The following SASH1 variants were observed in gnomAD, a reference collection of about 807,000 sequenced individuals.
SASH1 encodes the protein SAM and SH3 domain-containing protein 1.
Under a neutral mutation model 125.2 loss-of-function variants are expected in SASH1, and 44 were observed. That is an observed-to-expected ratio of 0.35 (90% CI 0.28 to 0.45). The LOEUF (loss-of-function observed/expected upper bound fraction) is 0.45. Ranked by LOEUF, SASH1 falls within the 20% of genes least tolerant of loss-of-function variation. The pLI is 1.00. For synonymous variants in SASH1, 639 were observed against 649.1 expected (o/e 0.98, Z 0.24); for missense variants, 1,426 against 1,614.5 (o/e 0.88, Z 2.00).
the SASH1 span, among the ~76,000 whole-genome samples, chr6:148,207,320 T>G: frequency 6.6e-6 from 1 of 152,222 alleles, no homozygotes; most frequent in South Asian, 2.1e-4. Context: ...TATTTCATTT[T>G]AAATCATTTA....
intron 1 of SASH1, among the ~76,000 whole-genome samples, chr6:148,350,001 A>G (rs9485282): frequency 0.23 from 34,955 of 151,530 alleles, 4,376 homozygotes; most frequent in East Asian, 0.28. Flanking sequence ...GCCTGCCACC[A>G]CGCCCGGCTA....
intron 1 of SASH1, among the ~76,000 whole-genome samples, chr6:148,299,157 G>A (rs1339741806): frequency 1.3e-5 from 2 of 152,118 alleles, no homozygotes; most frequent in African/African-American, 2.4e-5. Context: ...AAGGTGTTTG[G>A]GAAACAGCGG....
intron 1 of SASH1, among the ~76,000 whole-genome samples, chr6:148,285,469 C>G (rs758864675): frequency 2.0e-5 from 3 of 152,204 alleles, no homozygotes; most frequent in Non-Finnish European, 4.4e-5. Context: ...GGGAACACCA[C>G]TTTCTGGGAT....
intron 2 of SASH1, among the ~76,000 whole-genome samples, chr6:148,439,139 A>G (rs1314025992): frequency 2.0e-5 from 3 of 152,024 alleles, no homozygotes; most frequent in Non-Finnish European, 4.4e-5. Context: ...TTATCTAAAT[A>G]CTCTTCGTTT....
At chr6:148,227,637 C>T in the SASH1 span, among the ~76,000 whole-genome samples, 2 of 152,290 alleles carry the variant, frequency 1.3e-5, no homozygotes, top group African/African-American at 2.4e-5. Flanking sequence ...GGATTACAGG[C>T]ACTTTGAGCC....
At chr6:148,401,073 C>T (rs1243263397) in intron 2 of SASH1, among the ~76,000 whole-genome samples, 1 of 151,868 alleles carries the variant, frequency 6.6e-6, no homozygotes, top group East Asian at 1.9e-4. Context: ...GGTGAAATCC[C>T]ACCTCTACCA....
chr6:148,468,124 C>T (rs371250355), intron 4 of SASH1, among the ~76,000 whole-genome samples: 20 of 152,146 alleles, frequency 1.3e-4, no homozygotes, highest in African/African-American at 3.4e-4. Context: ...TTCCTAGAGC[C>T]GACCACTGTA....
chr6:148,257,628 C>CTTTTT, the SASH1 span, among the ~76,000 whole-genome samples: 9 of 127,134 alleles, frequency 7.1e-5, no homozygotes, highest in Non-Finnish European at 1.3e-4. Flanking sequence ...TGTCAGTTTA[C>CTTTTT]TTTTTTTTTT....
the SASH1 span, among the ~76,000 whole-genome samples, chr6:148,266,162 C>T: frequency 3.3e-5 from 5 of 151,948 alleles, no homozygotes; most frequent in African/African-American, 4.8e-5. Flanking sequence ...TTAGTAAAGA[C>T]GGGGTTTCAC....
Position 148,543,884 on chromosome 6 carries a change from C to T in SASH1, c.2414C>T (p.Thr805Ile), listed in dbSNP as rs200090181. Residue 805 changes from threonine to isoleucine, a missense_variant, in exon 18 of 20, where the codon ACT becomes ATT. Thr to Ile is a moderately conservative substitution (Grantham distance 89). Around this residue, in one of 3 missense-constraint regions of SASH1, gnomAD observed 634 missense variants for 694.4 expected, o/e 0.91. Coordinates refer to ENST00000367467, the MANE Select transcript of SASH1 (RefSeq NM_015278.5). Reference sequence around the variant, plus strand: ...AAGAGCTGTGACCCACCTGGTGTGACTGGTTTGAATAAAAACCGAAGAAGC... The same window carrying T: ...AAGAGCTGTGACCCACCTGGTGTGATTGGTTTGAATAAAAACCGAAGAAGC... ...TSKSCDPPGVTGLNKNRRSLP... is the reference protein window; with the variant it reads ...TSKSCDPPGVIGLNKNRRSLP... The T allele has an allele frequency of 2.7e-5, 43 of 1,614,196 alleles. No individual in the cohort carries two copies. Among genetic ancestry groups the T allele is most frequent in the Non-Finnish European group, 3.6e-5 (42 of 1,180,034 alleles).
At chr6:148,346,556 T>C (rs1382305534) in intron 1 of SASH1, among the ~76,000 whole-genome samples, 1 of 152,150 alleles carries the variant, frequency 6.6e-6, no homozygotes, top group East Asian at 1.9e-4. Flanking sequence ...CTCATTTTTC[T>C]ATCTCCAGTG....
In SASH1 at chr6:148,362,594, G is replaced by A. The variant is rs370118532; in HGVS notation, c.156+19371G>A. ...GTGAGGTGAGGGTGAGGGTGTGGTC[G>A]TATGAGGAAACGGAGGCTTAGGAAT... On this transcript the variant is annotated intron_variant, in intron 1 of 19. Transcript: ENST00000367467. Among the ~76,000 whole-genome samples, 13 of 151,126 alleles carry A rather than the reference G, an allele frequency of 8.6e-5. No homozygotes were observed. In the East Asian group the frequency reaches 1.4e-3, roughly 16 times the overall value.
intron 1 of SASH1, among the ~76,000 whole-genome samples, chr6:148,298,668 AGG>A (rs1562312129): frequency 3.0e-4 from 10 of 32,914 alleles, no homozygotes; most frequent in South Asian, 1.9e-3. Flanking sequence ...GGAGGGAGGG[AGG>A]AAGGAAGGAA....
intron 2 of SASH1, among the ~76,000 whole-genome samples, chr6:148,419,795 T>A (rs1784979636): frequency 6.6e-6 from 1 of 152,250 alleles, no homozygotes; most frequent in Non-Finnish European, 1.5e-5. Context: ...ATGGAGATTT[T>A]CTATGTAGTA....
At chr6:148,331,865 G>A (rs1041574862) in intron 1 of SASH1, among the ~76,000 whole-genome samples, 62 of 151,566 alleles carry the variant, frequency 4.1e-4, no homozygotes, top group African/African-American at 1.3e-3. Flanking sequence ...TTAATTTTTT[G>A]TAGAGACGGG....
chr6:148,483,336 G>A (rs1377575330), intron 7 of SASH1, among the ~76,000 whole-genome samples: 1 of 152,028 alleles, frequency 6.6e-6, no homozygotes, highest in African/African-American at 2.4e-5. Flanking sequence ...CCTCCCCAGG[G>A]TATTAAACTA....
intron 11 of SASH1, chr6:148,527,175 T>C (rs558788967): frequency 1.2e-3 from 358 of 288,112 alleles, no homozygotes; most frequent in Non-Finnish European, 2.0e-3. Context: ...CCCCCTTGGA[T>C]GTTAAAAATA....
chr6:148,421,430 A>G (rs1273203256), intron 2 of SASH1, among the ~76,000 whole-genome samples: 1 of 152,180 alleles, frequency 6.6e-6, no homozygotes, highest in East Asian at 1.9e-4. Context: ...CGGCCTCCCA[A>G]GTAGCTGGGA....
chr6:148,530,771 A>C (rs1242257002), intron 12 of SASH1, among the ~76,000 whole-genome samples: 1 of 152,250 alleles, frequency 6.6e-6, no homozygotes, highest in Non-Finnish European at 1.5e-5. Flanking sequence ...TCAAATAAGC[A>C]TGCTATACTC....
Sources: allele counts gnomAD v4.1 joint callset (sites outside exome capture counted in the v4.1 genomes callset), GRCh38; gene constraint gnomAD v4.1.1; regional missense constraint gnomAD v4.1.1; transcripts MANE v1.5; gene names NCBI Gene and HGNC (gene_info 2026-07-23, HGNC 2026-07-21).